The following LRGUK variants were observed in gnomAD, a reference collection of about 807,000 sequenced individuals.
LRGUK encodes the protein leucine-rich repeat and guanylate kinase domain-containing protein.
LRGUK carries 65 observed loss-of-function variants against 76.0 expected under a neutral mutation model. The observed-to-expected ratio is 0.85, with a 90% CI of 0.70 to 1.05. The LOEUF (loss-of-function observed/expected upper bound fraction) is 1.05, where lower values mean the gene tolerates loss of function less well. LRGUK is among the 50% of genes least tolerant of loss of function. LRGUK has a pLI of 0.00. For missense variants in LRGUK, 758 were observed against 732.8 expected, an observed-to-expected ratio of 1.03 and a Z score of -0.40; for synonymous variants, 268 against 265.6, an observed-to-expected ratio of 1.01 and a Z score of -0.09.
intron 3 of LRGUK, among the ~76,000 whole-genome samples, chr7:134,141,217 C>A (rs1797751708): frequency 6.6e-6 from 1 of 152,164 alleles, no homozygotes; most frequent in East Asian, 1.9e-4. Flanking sequence ...GCATATGTTT[C>A]TTTTTGTGAT....
chr7:134,242,988 T>C (rs1273892227), intron 16 of LRGUK, among the ~76,000 whole-genome samples: 1 of 152,088 alleles, frequency 6.6e-6, no homozygotes, highest in Non-Finnish European at 1.5e-5. Context: ...AAAAGGCCTT[T>C]GACAAAATTC....
chr7:134,170,608 A>G (rs929784559), intron 7 of LRGUK, among the ~76,000 whole-genome samples: 31 of 152,176 alleles, frequency 2.0e-4, no homozygotes, highest in African/African-American at 7.0e-4. Flanking sequence ...TGATTTGATC[A>G]TTACACATTG....
intron 16 of LRGUK, among the ~76,000 whole-genome samples, chr7:134,242,453 A>C (rs1802186054): frequency 6.6e-6 from 1 of 152,234 alleles, no homozygotes; most frequent in Non-Finnish European, 1.5e-5. Context: ...GAAAATCTAG[A>C]AGAAATGGAT....
At chr7:134,127,599 G>A (rs1797062182) in exon 1 of LRGUK, 1 of 1,614,112 alleles carries the variant, frequency 6.2e-7, no homozygotes, top group South Asian at 1.1e-5. Flanking sequence ...GGACGGAGAT[G>A]AGGACCAGGG....
At chr7:134,222,321 T>C (rs1801621937) in intron 16 of LRGUK, among the ~76,000 whole-genome samples, 1 of 152,260 alleles carries the variant, frequency 6.6e-6, no homozygotes, top group Non-Finnish European at 1.5e-5. Context: ...CCGTGTTTTA[T>C]AACTTAGCAC....
chr7:134,172,584 T>C (rs1015815845), intron 7 of LRGUK, among the ~76,000 whole-genome samples: 10 of 152,194 alleles, frequency 6.6e-5, no homozygotes, highest in Admixed American at 5.2e-4. Flanking sequence ...CAGTTTCCAC[T>C]CTGACCAGCA....
At chr7:134,145,965 C>A (rs1191776065) in intron 4 of LRGUK, among the ~76,000 whole-genome samples, 1 of 152,172 alleles carries the variant, frequency 6.6e-6, no homozygotes, top group Non-Finnish European at 1.5e-5. Flanking sequence ...GTGGCACAAA[C>A]CCCTTTAAGG....
chr7:134,242,851 C>T (rs1802199285), intron 16 of LRGUK, among the ~76,000 whole-genome samples: 1 of 152,106 alleles, frequency 6.6e-6, no homozygotes, highest in Admixed American at 6.5e-5. Flanking sequence ...AAAGCTTATC[C>T]ACCACGATCA....
intron 16 of LRGUK, among the ~76,000 whole-genome samples, chr7:134,243,639 T>C (rs1802219919): frequency 6.6e-6 from 1 of 152,120 alleles, no homozygotes; most frequent in South Asian, 2.1e-4. Flanking sequence ...AGGTAATTTA[T>C]AGATTCAATG....
chr7:134,236,837 G>T (rs1454482137), intron 16 of LRGUK, among the ~76,000 whole-genome samples: 1 of 152,134 alleles, frequency 6.6e-6, no homozygotes, highest in Non-Finnish European at 1.5e-5. Flanking sequence ...AAATTTAAAA[G>T]AAGCTAGCAG....
chr7:134,197,868 GT>G (rs1800571860), intron 13 of LRGUK, among the ~76,000 whole-genome samples: 1 of 151,754 alleles, frequency 6.6e-6, no homozygotes, highest in Non-Finnish European at 1.5e-5. Flanking sequence ...ATAGTTGATT[GT>G]TTTTTCAAGA....
chr7:134,150,153 T>A (rs1026524627), intron 5 of LRGUK, among the ~76,000 whole-genome samples: 1 of 152,014 alleles, frequency 6.6e-6, no homozygotes, highest in African/African-American at 2.4e-5. Flanking sequence ...CGGGCACCTG[T>A]AGTCCCAGCT....
intron 1 of LRGUK, among the ~76,000 whole-genome samples, chr7:134,129,560 C>T (rs1016874527): frequency 5.0e-4 from 74 of 149,340 alleles, no homozygotes; most frequent in Non-Finnish European, 8.9e-5. Context: ...GCAGTCTCGA[C>T]CTCCTAGTCT....
At chr7:134,247,463 C>T in intron 16 of LRGUK, 93 bp from the exon 17 acceptor site, 1 of 787,358 alleles carries the variant, frequency 1.3e-6, no homozygotes, top group Non-Finnish European at 2.0e-6. Context: ...ACATATTTGT[C>T]AATCTCTAGT....
chr7:134,174,449 TTAAAATAAGTTGAATTTAAA>T, intron 7 of LRGUK, 87 bp from the exon 8 acceptor site: 1 of 705,422 alleles, frequency 1.4e-6, no homozygotes, highest in Non-Finnish European at 2.5e-6. Context: ...AGAGCAATTT[TTAAAATAAGTTGAATTTAAA>T]GGACCCAAAC....
At chr7:134,209,577 C>G (rs550629464) in exon 16 of LRGUK, 119 of 399,130 alleles carry the variant, frequency 3.0e-4, no homozygotes, top group African/African-American at 2.2e-3. Context: ...GTGCTGGCTC[C>G]CCTCCAGAGC....
chr7:134,247,675 T>C (rs1381208054), intron 17 of LRGUK, 31 bp downstream of exon 17: 9 of 1,516,028 alleles, frequency 5.9e-6, no homozygotes, highest in African/African-American at 2.8e-5. Context: ...CAACTTTAGA[T>C]TGATTTCCTA....
At chr7:134,128,231 C>T (rs1797110047) in intron 1 of LRGUK, among the ~76,000 whole-genome samples, 1 of 152,128 alleles carries the variant, frequency 6.6e-6, no homozygotes, top group Non-Finnish European at 1.5e-5. Context: ...GCACACACAC[C>T]AGAAAAGAGC....
chr7:134,268,689 A>G (rs1472911648), downstream of LRGUK, among the ~76,000 whole-genome samples: 1 of 146,500 alleles, frequency 6.8e-6, no homozygotes, highest in African/African-American at 2.5e-5. Context: ...AAAACTACAA[A>G]CCAATATCAC....
Sources: gnomAD v4.1 joint callset for allele counts (sites outside exome capture counted in the v4.1 genomes callset) on GRCh38, gnomAD v4.1.1 for gene constraint, MANE v1.5 for transcripts, NCBI Gene and HGNC (gene_info 2026-07-23, HGNC 2026-07-21) for gene names.